TIA1: variants seen among roughly 807,000 people sequenced by gnomAD.
The protein encoded by TIA1 is cytotoxic granule associated RNA binding protein TIA1.
A neutral mutation model predicts 65.9 loss-of-function variants in TIA1; 23 were observed. That is an observed-to-expected ratio of 0.35 (90% CI 0.25 to 0.49). TIA1 has a LOEUF of 0.49. Among genes scored for constraint, TIA1 ranks in the 20% least tolerant of loss-of-function variants. The probability of loss-of-function intolerance (pLI) is 0.98; values close to 1 mark genes in which losing one functional copy is unlikely to be tolerated. For synonymous variants in TIA1, 147 were observed against 149.4 expected (o/e 0.98, Z 0.12); for missense variants, 371 against 477.9 (o/e 0.78, Z 2.09).
Position 70,223,710 on chromosome 2 carries a change from G to A in TIA1, c.474+844C>T, listed in dbSNP as rs140429087. Among the ~76,000 whole-genome samples the A allele has an allele frequency of 3.6e-3, 550 of 151,094 alleles. 3 individuals are homozygous for A. Among genetic ancestry groups the A allele is most frequent in the African/African-American group, 0.013 (529 of 41,078 alleles). On this transcript the variant is annotated intron_variant, in intron 7 of 12. Coordinates refer to ENST00000433529, the MANE Select transcript of TIA1 (RefSeq NM_022173.4). The stretch of plus-strand genomic sequence containing the variant: ...ATTACAGGTGTGAGCCACTGGGCTC[G>A]GCTGAATTTTCGGAATTCCCGGAAA...
intron 5 of TIA1, chr2:70,228,272 A>C (rs1325235153): frequency 2.6e-5 from 31 of 1,186,152 alleles, no homozygotes; most frequent in Admixed American, 3.4e-5. Flanking sequence ...CAGTTAACAC[A>C]ATTTACTGAA....
intron 1 of TIA1, among the ~76,000 whole-genome samples, chr2:70,242,979 T>C (rs1692588433): frequency 6.6e-6 from 1 of 152,216 alleles, no homozygotes; most frequent in Non-Finnish European, 1.5e-5. Context: ...TGCAATATCA[T>C]TGCAGTGATA....
Position 70,248,438 on chromosome 2 carries a change from G to A in TIA1, c.-8C>T, listed in dbSNP as rs1358477046. On this transcript the variant is annotated 5_prime_UTR_variant, in exon 1 of 13. Coordinates refer to ENST00000433529, the MANE Select transcript of TIA1 (RefSeq NM_022173.4). The stretch of plus-strand genomic sequence containing the variant: ...GGGCATCTCGTCCTCCATGGCTGCT[G>A]CTGTCGCGGCGGCGCCTCCAGGTCC... 5 of 1,600,804 alleles carry A rather than the reference G, an allele frequency of 3.1e-6. No individual in the cohort carries two copies. Among genetic ancestry groups the A allele is most frequent in the Admixed American group, 1.7e-5 (1 of 60,016 alleles).
Position 70,229,307 on chromosome 2 carries a change from C to A in TIA1, c.234G>T (p.Val78=). The change falls in exon 4 of 13, where the codon GTG becomes GTT. Residue 78 remains valine (V), a synonymous_variant. Coordinates refer to ENST00000433529, the MANE Select transcript of TIA1 (RefSeq NM_022173.4). ...GRKIMGKEVK[V]NWATTPSSQK... ...GACTGCTAGGGGTTGTTGCCCAATTCACTTTGACTTCCTAAAAAAAAAAAA... is the reference window on the plus strand; with the variant it reads ...GACTGCTAGGGGTTGTTGCCCAATTAACTTTGACTTCCTAAAAAAAAAAAA... 3.1e-6 allele frequency: 5 copies of A among 1,608,394 alleles called. No homozygotes were observed. The highest frequency in any genetic ancestry group is 4.2e-6 in the Non-Finnish European group (5 of 1,178,624).
At chr2:70,218,481 G>T (rs1052295561) in intron 7 of TIA1, among the ~76,000 whole-genome samples, 12 of 152,176 alleles carry the variant, frequency 7.9e-5, no homozygotes, top group Admixed American at 6.5e-4. Flanking sequence ...TCCCAGGCTG[G>T]AGTGCAGTGG....
chr2:70,237,011 G>C (rs1332965537), intron 1 of TIA1, among the ~76,000 whole-genome samples: 2 of 152,178 alleles, frequency 1.3e-5, no homozygotes, highest in African/African-American at 2.4e-5. Flanking sequence ...TTGAGAAATA[G>C]GCAGATCTTT....
intron 7 of TIA1, among the ~76,000 whole-genome samples, chr2:70,221,040 T>C (rs2104133659): frequency 6.6e-6 from 1 of 152,162 alleles, no homozygotes; most frequent in East Asian, 1.9e-4. Context: ...GGAGTCTCAC[T>C]CTGTTGCCCA....
intron 1 of TIA1, among the ~76,000 whole-genome samples, chr2:70,247,450 A>G (rs991156010): frequency 1.3e-5 from 2 of 152,330 alleles, no homozygotes; most frequent in African/African-American, 4.8e-5. Context: ...AATATAAACA[A>G]AAAGCTATGT....
At chr2:70,245,527 C>A (rs1017321312) in intron 1 of TIA1, among the ~76,000 whole-genome samples, 1 of 152,122 alleles carries the variant, frequency 6.6e-6, no homozygotes. Context: ...TTTAAAGTAA[C>A]CAAGGCCAAT....
chr2:70,210,016 C>A lies in TIA1; in HGVS notation c.*2703G>T. On this transcript the variant is annotated 3_prime_UTR_variant, in exon 13 of 13. Coordinates refer to ENST00000433529, the MANE Select transcript of TIA1 (RefSeq NM_022173.4). ...ACAAGTATCAGCAAGGAAAATGAGA[C>A]CCTGGTTTCATAATTAATTAAATCT... is the stretch of plus-strand genomic sequence containing the variant. The A allele has an allele frequency of 3.4e-6, 1 of 297,688 alleles. No individual in the cohort carries two copies. Among genetic ancestry groups the A allele is most frequent in the Non-Finnish European group, 6.1e-6 (1 of 162,940 alleles). The allele number at this position is 297,688 out of a possible 1,614,324, so 18.4% of individuals were successfully genotyped here. A position where few individuals can be genotyped will look rare whatever the true frequency, so the allele number is the denominator to read the frequency against.
chr2:70,233,611 C>T (rs902750477), intron 2 of TIA1, among the ~76,000 whole-genome samples: 1 of 151,836 alleles, frequency 6.6e-6, no homozygotes, highest in Non-Finnish European at 1.5e-5. Flanking sequence ...ACTGAAAATA[C>T]GAAAACTAGC....
chr2:70,212,503 G>T lies in TIA1; in HGVS notation c.*216C>A. The T allele has an allele frequency of 2.5e-6, 1 of 400,860 alleles. No individual in the cohort carries two copies. The highest frequency in any genetic ancestry group is 4.6e-6 in the Non-Finnish European group (1 of 215,794). 24.8% of individuals were successfully genotyped at this position (400,860 alleles called of 1,614,324 possible). ...GGATCTGAGAAACTTTATCAAAAAAGGTAATGAAGGCAAAAATTGGCAGAC... is the reference window on the plus strand; with the variant it reads ...GGATCTGAGAAACTTTATCAAAAAATGTAATGAAGGCAAAAATTGGCAGAC... On this transcript the variant is annotated 3_prime_UTR_variant, in exon 13 of 13. Transcript: ENST00000433529.
In TIA1 at chr2:70,214,552, G is replaced by A. The variant is rs550605584; in HGVS notation, c.889-58C>T. ...AACTATATATATACAATCCTAATAT[G>A]CTGATACCACAAATTCTTAGCCAAA... On this transcript the variant is annotated intron_variant, in intron 11 of 12. Transcript: ENST00000433529. 17 of 1,311,510 alleles carry A rather than the reference G, an allele frequency of 1.3e-5. No individual in the cohort carries two copies. The Middle Eastern group carries it at 8.4e-4, about 65-fold the overall frequency. The allele number at this position is 1,311,510 out of a possible 1,614,324, so 81.2% of individuals were successfully genotyped here.
At chr2:70,214,607 G>T in intron 11 of TIA1, 113 bp from the exon 12 acceptor site, 11 of 563,960 alleles carry the variant, frequency 2.0e-5, no homozygotes, top group Non-Finnish European at 2.0e-5. Flanking sequence ...CAATTAAAAT[G>T]ACAGGATAAA....
At chr2:70,226,129 A>G (rs1170144953) in intron 6 of TIA1, among the ~76,000 whole-genome samples, 1 of 152,124 alleles carries the variant, frequency 6.6e-6, no homozygotes, top group Admixed American at 6.6e-5. Context: ...ATTGAAAATC[A>G]TAAAACTTAA....
chr2:70,242,897 T>C lies in TIA1; in HGVS notation c.26+5508A>G, dbSNP rs961311694. On this transcript the variant is annotated intron_variant, in intron 1 of 12. Coordinates refer to ENST00000433529, the MANE Select transcript of TIA1 (RefSeq NM_022173.4). ...TGAAACCATCCCGCCCATGGAAAAA[T>C]TGTCTTCCACAAAACTGGTCTCGGT... Among the ~76,000 whole-genome samples, 3 of 151,966 alleles carry C rather than the reference T, an allele frequency of 2.0e-5. 1 individual carries two copies. The highest frequency in any genetic ancestry group is 4.4e-5 in the Non-Finnish European group (3 of 67,972).
chr2:70,247,444 TAAACAAAAAGCTATGTCATCCAAGAA>T (rs1408362849), intron 1 of TIA1, among the ~76,000 whole-genome samples: 1 of 152,128 alleles, frequency 6.6e-6, no homozygotes, highest in African/African-American at 2.4e-5. Context: ...TCCAAGAATA[TAAACAAAAAGCTATGTCATCCAAGAA>T]AAACAAAAAG....
rs927919651 is a variant in TIA1, at chr2:70,216,191, T to TA, written c.764+16dup. 18 of 1,528,550 alleles carry TA rather than the reference T, an allele frequency of 1.2e-5. No individual in the cohort carries two copies. The highest frequency in any genetic ancestry group is 2.4e-5 in the Admixed American group (1 of 41,602). 94.7% of individuals were successfully genotyped at this position (1,528,550 alleles called of 1,614,324 possible). On this transcript the variant is annotated intron_variant, in intron 10 of 12. Transcript: ENST00000433529. ...TACATTACCAAGAAAAATGTTTTTT[T>TA]AAAAAACCATCCCTACCGAACAAAT... is the stretch of plus-strand genomic sequence containing the variant.
At chr2:70,242,922 T>C (rs1692559997) in intron 1 of TIA1, among the ~76,000 whole-genome samples, 1 of 152,172 alleles carries the variant, frequency 6.6e-6, no homozygotes, top group South Asian at 2.1e-4. Flanking sequence ...CTGGTCTCGG[T>C]GCCAAAAAGG....
Sources: allele counts gnomAD v4.1 joint callset (sites outside exome capture counted in the v4.1 genomes callset), GRCh38; gene constraint gnomAD v4.1.1; transcripts MANE v1.5; gene names NCBI Gene and HGNC (gene_info 2026-07-23, HGNC 2026-07-21).